The following CDH2 variants were observed in gnomAD, a reference collection of about 807,000 sequenced individuals.
CDH2 encodes cadherin 2, also known as cadherin-2.
A neutral mutation model predicts 92.0 loss-of-function variants in CDH2; 17 were observed. The observed-to-expected ratio is 0.18, with a 90% CI of 0.13 to 0.28. The LOEUF (loss-of-function observed/expected upper bound fraction) is 0.28, where lower values mean the gene tolerates loss of function less well. Ranked by LOEUF, CDH2 falls within the 10% of genes least tolerant of loss-of-function variation. The pLI, the probability that CDH2 is intolerant of heterozygous loss-of-function variation, is 1.00. For synonymous variants in CDH2, 419 were observed against 415.9 expected (o/e 1.01, Z -0.09); for missense variants, 862 against 1,133.1 (o/e 0.76, Z 3.44).
intron 2 of CDH2, among the ~76,000 whole-genome samples, chr18:28,040,862 C>G (rs1174910664): frequency 1.3e-5 from 2 of 152,174 alleles, no homozygotes; most frequent in African/African-American, 4.8e-5. Flanking sequence ...GATTCACTGA[C>G]TGGATGTTTA....
At chr18:27,953,131 C>A (rs1352518124) in intron 15 of CDH2, among the ~76,000 whole-genome samples, 3 of 151,916 alleles carry the variant, frequency 2.0e-5, no homozygotes, top group Non-Finnish European at 4.4e-5. Flanking sequence ...CCAAAAAATC[C>A]TAGAAATGTC....
chr18:27,992,684 T>A lies in CDH2; in HGVS notation c.1315A>T (p.Ser439Cys). ...ACCACGGTGACTAACCCGTCGTTGCTGTTTGGGTCGGTCTGGATGGCGAAC... is the reference window on the plus strand; with the variant it reads ...ACCACGGTGACTAACCCGTCGTTGCAGTTTGGGTCGGTCTGGATGGCGAAC... ...GRFAIQTDPN[S>C]NDGLVTVVKP... Residue 439 changes from serine to cysteine, a missense_variant, in exon 9 of 16, where the codon AGC (serine) becomes TGC (cysteine). By Grantham distance (112) the Ser-to-Cys change is moderately radical. Around this residue, in one of 5 missense-constraint regions of CDH2, gnomAD observed 564 missense variants for 722.2 expected, o/e 0.78. Transcript: ENST00000269141. 1 of 1,613,510 alleles carries A rather than the reference T, an allele frequency of 6.2e-7. No individual in the cohort carries two copies. The highest frequency in any genetic ancestry group is 8.5e-7 in the Non-Finnish European group (1 of 1,179,644).
chr18:28,060,502 A>G (rs1190996944), intron 2 of CDH2, among the ~76,000 whole-genome samples: 1 of 152,094 alleles, frequency 6.6e-6, no homozygotes, highest in East Asian at 1.9e-4. Flanking sequence ...TTTACTTATT[A>G]ACTGCAGTAT....
intron 6 of CDH2, among the ~76,000 whole-genome samples, chr18:27,944,532 T>G (rs1806750289): frequency 6.6e-6 from 1 of 152,122 alleles, no homozygotes; most frequent in South Asian, 2.1e-4. Flanking sequence ...AAAGGATGTC[T>G]GTCTCCCATC....
In CDH2 at chr18:28,147,634, T is replaced by C. The variant is rs551103203; in HGVS notation, c.172+39A>G. 4 of 1,257,124 alleles carry C rather than the reference T, an allele frequency of 3.2e-6. No homozygotes were observed. In the African/African-American group the frequency reaches 5.9e-5, roughly 19 times the overall value. The allele number at this position is 1,257,124 out of a possible 1,614,324, so 77.9% of individuals were successfully genotyped here. A position where few individuals can be genotyped will look rare whatever the true frequency, so the allele number is the denominator to read the frequency against. ...TAATGGCTAATTTGTTTCATGAGCA[T>C]GGACACTGCATGTACAAATATATCT... On this transcript the variant is annotated intron_variant, in intron 2 of 15. Coordinates refer to ENST00000269141, the MANE Select transcript of CDH2 (RefSeq NM_001792.5).
Position 28,127,772 on chromosome 18 carries a change from G to C in CDH2, c.172+19901C>G, listed in dbSNP as rs139874407. ...TTCAAATAGAAAACTCTTTCATAAA[G>C]GGACACAAATGTGTGACATTTCTTG... On this transcript the variant is annotated intron_variant, in intron 2 of 15. Coordinates refer to ENST00000269141, the MANE Select transcript of CDH2 (RefSeq NM_001792.5). Among the ~76,000 whole-genome samples, 663 of 152,288 alleles carry C rather than the reference G, an allele frequency of 4.4e-3. 8 individuals are homozygous for C. Among genetic ancestry groups the C allele is most frequent in the African/African-American group, 0.015 (632 of 41,546 alleles).
chr18:28,133,153 G>A lies in CDH2; in HGVS notation c.172+14520C>T, dbSNP rs540645049. Among the ~76,000 whole-genome samples the A allele has an allele frequency of 1.0e-3, 158 of 152,200 alleles. 1 individual carries two copies. The highest frequency in any genetic ancestry group is 2.6e-3 in the African/African-American group (108 of 41,530). On this transcript the variant is annotated intron_variant, in intron 2 of 15. Coordinates refer to ENST00000269141, the MANE Select transcript of CDH2 (RefSeq NM_001792.5). ...GCATGGTATGTCACAAAAAGAACAC[G>A]AGAGGAAATCCCACAGGCCATTTGC...
chr18:27,961,580 A>C (rs2011405425), intron 15 of CDH2, among the ~76,000 whole-genome samples: 1 of 152,172 alleles, frequency 6.6e-6, no homozygotes, highest in African/African-American at 2.4e-5. Flanking sequence ...GTGGGGCTGC[A>C]GCACAGAAAG....
chr18:28,152,206 G>A (rs1310185679), intron 1 of CDH2, among the ~76,000 whole-genome samples: 1 of 152,104 alleles, frequency 6.6e-6, no homozygotes, highest in African/African-American at 2.4e-5. Flanking sequence ...TGAGCAAATC[G>A]ATTCTCACAC....
intron 14 of CDH2, among the ~76,000 whole-genome samples, chr18:27,977,191 T>TA: frequency 6.6e-6 from 1 of 152,260 alleles, no homozygotes; most frequent in South Asian, 2.1e-4. Context: ...GTTCAACCGC[T>TA]AACAGCCCTG....
chr18:27,944,323 T>G (rs977720968), intron 6 of CDH2, among the ~76,000 whole-genome samples: 3 of 152,178 alleles, frequency 2.0e-5, no homozygotes, highest in African/African-American at 7.2e-5. Context: ...TCAATGTTCC[T>G]TAGTTGCAGA....
At chr18:28,162,473 G>C (rs896756664) in intron 1 of CDH2, among the ~76,000 whole-genome samples, 1 of 152,062 alleles carries the variant, frequency 6.6e-6, no homozygotes, top group Admixed American at 6.6e-5. Context: ...TTGCATCTCC[G>C]AGTCACCACC....
At chr18:28,117,481 TACAGTAGAA>T (rs1477796851) in intron 2 of CDH2, among the ~76,000 whole-genome samples, 1 of 151,988 alleles carries the variant, frequency 6.6e-6, no homozygotes, top group Non-Finnish European at 1.5e-5. Flanking sequence ...GCTCCTACAA[TACAGTAGAA>T]AGAGGCTCCA....
chr18:27,972,915 G>A (rs1212826116), intron 14 of CDH2, among the ~76,000 whole-genome samples: 2 of 152,180 alleles, frequency 1.3e-5, no homozygotes, highest in African/African-American at 4.8e-5. Context: ...AAGACAAGAT[G>A]TCTTGAGATG....
At chr18:27,935,194 G>A (rs1347240564) in intron 6 of CDH2, among the ~76,000 whole-genome samples, 5 of 152,152 alleles carry the variant, frequency 3.3e-5, no homozygotes, top group Non-Finnish European at 7.3e-5. Flanking sequence ...CCTGAGACTG[G>A]GTGATTGATA....
Position 28,045,410 on chromosome 18 carries a change from C to A in CDH2, c.173-31501G>T, listed in dbSNP as rs980208217. 3 of 468,340 alleles carry A rather than the reference C, an allele frequency of 6.4e-6. No individual in the cohort carries two copies. Among genetic ancestry groups the A allele is most frequent in the Non-Finnish European group, 1.3e-5 (3 of 226,094 alleles). The allele number at this position is 468,340 out of a possible 1,614,324, so 29.0% of individuals were successfully genotyped here. On this transcript the variant is annotated intron_variant, in intron 2 of 15. Transcript: ENST00000269141. Reference sequence around the variant, plus strand: ...CCATTGATTAGAAAAGAAAGACCTACTCCTTTGAGTGTTACACATGTCCTT... The same window carrying A: ...CCATTGATTAGAAAAGAAAGACCTAATCCTTTGAGTGTTACACATGTCCTT...
intron 2 of CDH2, 29 bp downstream of exon 2, chr18:28,147,644 A>G: frequency 7.5e-7 from 1 of 1,327,052 alleles, no homozygotes; most frequent in South Asian, 1.2e-5. Context: ...TGGACACTGC[A>G]TGTACAAATA....
rs371763564 is a variant in CDH2, at chr18:27,935,103, G to A, written c.1152-1979C>T. Among the ~76,000 whole-genome samples, 12 of 152,158 alleles carry A rather than the reference G, an allele frequency of 7.9e-5. No homozygotes were observed. The East Asian group carries it at 1.2e-3, about 15-fold the overall frequency. On this transcript the variant is annotated intron_variant, in intron 6 of 6. Coordinates refer to the CDH2 transcript ENST00000675173. ...TGAATGTTCCTTTTTTCCCCCTTGG[G>A]TTTGGGAAACTTAGCCTTCCACACT...
At chr18:28,034,687 A>C (rs1020908646) in intron 2 of CDH2, among the ~76,000 whole-genome samples, 1 of 152,024 alleles carries the variant, frequency 6.6e-6, no homozygotes, top group African/African-American at 2.4e-5. Context: ...CCACAATAAA[A>C]AAAAACAAAA....
Sources: allele counts gnomAD v4.1 joint callset (sites outside exome capture counted in the v4.1 genomes callset), GRCh38; gene constraint gnomAD v4.1.1; regional missense constraint gnomAD v4.1.1; transcripts MANE v1.5; gene names NCBI Gene and HGNC (gene_info 2026-07-23, HGNC 2026-07-21).